ITGB5: variants seen among roughly 807,000 people sequenced by gnomAD.
The protein encoded by ITGB5 is integrin subunit beta 5, also known as integrin beta-5.
A neutral mutation model predicts 84.8 loss-of-function variants in ITGB5; 38 were observed. That is an observed-to-expected ratio of 0.45 (90% CI 0.35 to 0.59). ITGB5 has a LOEUF of 0.59. Among genes scored for constraint, ITGB5 ranks in the 20% least tolerant of loss-of-function variants. ITGB5 has a pLI of 0.01. For synonymous variants in ITGB5, 393 were observed against 414.4 expected, an observed-to-expected ratio of 0.95 and a Z score of 0.63; for missense variants, 905 against 1,034.5, an observed-to-expected ratio of 0.87 and a Z score of 1.72.
intron 12 of ITGB5, among the ~76,000 whole-genome samples, chr3:124,766,559 C>T (rs980722145): frequency 8.6e-5 from 13 of 152,042 alleles, no homozygotes; most frequent in Admixed American, 1.3e-4. Context: ...TTTGGGGACA[C>T]GTGGAACACA....
intron 12 of ITGB5, 23 bp downstream of exon 12, chr3:124,768,990 C>G (rs765495773): frequency 6.3e-7 from 1 of 1,583,430 alleles, no homozygotes. Context: ...CCGTGACTGC[C>G]CGGGTGGTGG....
chr3:124,893,998 G>A (rs918150156), intron 1 of ITGB5, among the ~76,000 whole-genome samples: 2 of 151,984 alleles, frequency 1.3e-5, no homozygotes, highest in Non-Finnish European at 2.9e-5. Flanking sequence ...ACATCTTTCT[G>A]AGGGCAATTT....
intron 10 of ITGB5, among the ~76,000 whole-genome samples, chr3:124,793,389 T>C (rs979694233): frequency 6.6e-6 from 1 of 152,232 alleles, no homozygotes; most frequent in African/African-American, 2.4e-5. Flanking sequence ...CCTGCCAGGC[T>C]GCTTAGAGCT....
rs3836318 is a variant in ITGB5 at position 124,850,711 on chromosome 3, C to CA, written c.362-2154dup. On this transcript the variant is annotated intron_variant, in intron 3 of 14. Transcript: ENST00000296181. ...GTATAATAATAATAATTTAAAAAAA[C>CA]AAAAAAAAAAACCATCAGAGTCTGA... Among the ~76,000 whole-genome samples the CA allele has an allele frequency of 1.8e-3, 270 of 148,636 alleles. 4 individuals carry two copies. The highest frequency in any genetic ancestry group is 8.0e-3 in the South Asian group (37 of 4,650).
chr3:124,864,577 T>A (rs1156450921), intron 2 of ITGB5, among the ~76,000 whole-genome samples: 3 of 152,012 alleles, frequency 2.0e-5, no homozygotes, highest in Non-Finnish European at 4.4e-5. Flanking sequence ...GACCTAAACA[T>A]TGAGCACCCA....
At chr3:124,862,291 CCT>C (rs2065315384) in intron 2 of ITGB5, 1 of 152,330 alleles carries the variant, frequency 6.6e-6, no homozygotes, top group East Asian at 1.9e-4. Flanking sequence ...AATGAGAACC[CCT>C]GACACCTCTC....
intron 3 of ITGB5, 143 bp from the exon 4 acceptor site, chr3:124,848,701 A>T (rs1374964334): frequency 1.2e-6 from 1 of 837,302 alleles, no homozygotes; most frequent in Non-Finnish European, 1.8e-6. Flanking sequence ...TTGGAAGTAA[A>T]GTGCCTGAAG....
chr3:124,817,726 AAAG>A lies in ITGB5; in HGVS notation c.1039-19_1039-17del. On this transcript the variant is annotated splice_polypyrimidine_tract_variant and intron_variant, in intron 7 of 14. Coordinates refer to ENST00000296181, the MANE Select transcript of ITGB5 (RefSeq NM_002213.5). ...CTGTAAAATTCTTGGGAAAAAAAGT[AAAG>A]AAAAGAAATAAGTTCATTTTGCCCT... is the stretch of plus-strand genomic sequence containing the variant. 2.0e-6 allele frequency: 3 copies of A among 1,464,260 alleles called. No individual in the cohort carries two copies. The East Asian group carries it at 6.9e-5, about 34-fold the overall frequency. 90.7% of individuals were successfully genotyped at this position (1,464,260 alleles called of 1,614,324 possible).
intron 5 of ITGB5, among the ~76,000 whole-genome samples, chr3:124,831,430 C>T (rs542426510): frequency 3.9e-5 from 6 of 152,206 alleles, no homozygotes; most frequent in South Asian, 2.1e-4. Context: ...AACTTATTTA[C>T]GCAAATGGAC....
At chr3:124,843,873 A>G (rs985647420) in intron 4 of ITGB5, among the ~76,000 whole-genome samples, 9 of 152,204 alleles carry the variant, frequency 5.9e-5, no homozygotes, top group African/African-American at 2.2e-4. Context: ...AAAATAAAAT[A>G]TATATGGTTA....
At chr3:124,851,974 AG>A (rs2065162914) in intron 3 of ITGB5, among the ~76,000 whole-genome samples, 1 of 152,162 alleles carries the variant, frequency 6.6e-6, no homozygotes, top group South Asian at 2.1e-4. Flanking sequence ...ATGCATGTGA[AG>A]TGCACTTTCT....
At chr3:124,861,527 CAGAGAG>C (rs56690729) in intron 2 of ITGB5, among the ~76,000 whole-genome samples, 3,775 of 135,602 alleles carry the variant, frequency 0.028, 194 homozygotes, top group African/African-American at 0.099. Context: ...CACACACACA[CAGAGAG>C]ATACACATAT....
chr3:124,859,116 C>T (rs1360251005), intron 3 of ITGB5, 126 bp downstream of exon 3: 12 of 850,542 alleles, frequency 1.4e-5, no homozygotes, highest in Non-Finnish European at 1.9e-5. Flanking sequence ...GCCTTGCCTC[C>T]CCATCACCAT....
At chr3:124,817,760 C>T (rs769173012) in intron 7 of ITGB5, 50 bp from the exon 8 acceptor site, 1 of 1,068,648 alleles carries the variant, frequency 9.4e-7, no homozygotes, top group Non-Finnish European at 1.4e-6. Flanking sequence ...GCCCTGCCAA[C>T]CATCAGAGTG....
intron 9 of ITGB5, among the ~76,000 whole-genome samples, chr3:124,806,926 G>A (rs1345644841): frequency 6.6e-6 from 1 of 152,012 alleles, no homozygotes; most frequent in Non-Finnish European, 1.5e-5. Context: ...TTAATGAGAT[G>A]AGGCTTTCCC....
intron 5 of ITGB5, among the ~76,000 whole-genome samples, chr3:124,840,230 C>G (rs962511912): frequency 5.3e-5 from 8 of 152,218 alleles, no homozygotes; most frequent in South Asian, 2.1e-4. Context: ...GCTCTCTAGA[C>G]TGAGTTCTAG....
Position 124,769,061 on chromosome 3 carries a change from A to AG in ITGB5, c.1968dup (p.Cys657LeufsTer8). 6.2e-7 allele frequency: 1 copy of AG among 1,614,044 alleles called. No homozygotes were observed. The highest frequency in any genetic ancestry group is 1.3e-5 in the African/African-American group (1 of 75,060). On this transcript the variant is annotated frameshift_variant, in exon 12 of 15. Coordinates refer to ENST00000296181, the MANE Select transcript of ITGB5 (RefSeq NM_002213.5). LOFTEE classifies it high-confidence loss of function. The stretch of plus-strand genomic sequence containing the variant: ...ACCTCATCCCTGCATAGGCTGTGGC[A>AG]GGTCTGGTTGTCAGGTTTCCCAGAG...
intron 2 of ITGB5, among the ~76,000 whole-genome samples, chr3:124,864,911 C>A (rs375932198): frequency 3.1e-4 from 47 of 152,258 alleles, no homozygotes; most frequent in African/African-American, 1.1e-3. Flanking sequence ...TGGTGCCATC[C>A]CCTGGCTTCC....
chr3:124,880,594 A>C (rs770844444), intron 1 of ITGB5, among the ~76,000 whole-genome samples: 1 of 152,164 alleles, frequency 6.6e-6, no homozygotes, highest in Non-Finnish European at 1.5e-5. Flanking sequence ...AACTTGGGTG[A>C]CAGAGCGAGA....
Sources: gnomAD v4.1 joint callset for allele counts (sites outside exome capture counted in the v4.1 genomes callset) on GRCh38, gnomAD v4.1.1 for gene constraint, MANE v1.5 for transcripts, NCBI Gene and HGNC (gene_info 2026-07-23, HGNC 2026-07-21) for gene names.